NME7: variants seen among roughly 807,000 people sequenced by gnomAD.
NME7 encodes nucleoside diphosphate kinase 7.
In NME7, 41 loss-of-function variants were observed where a neutral mutation model predicts 49.1. The ratio of observed to expected loss-of-function variants is 0.83; its 90% CI spans 0.65 to 1.08. The LOEUF (loss-of-function observed/expected upper bound fraction) is 1.08, where lower values mean the gene tolerates loss of function less well. NME7 is among the 50% of genes least tolerant of loss of function. The pLI, the probability that NME7 is intolerant of heterozygous loss-of-function variation, is 0.00. For synonymous variants in NME7, 139 were observed against 150.6 expected, an observed-to-expected ratio of 0.92 and a Z score of 0.56; for missense variants, 423 against 463.4, an observed-to-expected ratio of 0.91 and a Z score of 0.80.
chr1:169,253,577 G>A (rs138437561), intron 7 of NME7, among the ~76,000 whole-genome samples: 3,879 of 152,038 alleles, frequency 0.026, 140 homozygotes, highest in African/African-American at 0.087. Flanking sequence ...CTAATTGCCC[G>A]GGCCAGAATT....
chr1:169,172,833 T>C (rs1480596699), intron 10 of NME7, among the ~76,000 whole-genome samples: 1 of 152,234 alleles, frequency 6.6e-6, no homozygotes, highest in Non-Finnish European at 1.5e-5. Context: ...TCAATGTTCC[T>C]ACAGTAGTTT....
At chr1:169,346,402 C>A (rs1039319612) in intron 1 of NME7, among the ~76,000 whole-genome samples, 1 of 152,198 alleles carries the variant, frequency 6.6e-6, no homozygotes, top group African/African-American at 2.4e-5. Context: ...CATGCTCCCA[C>A]CTAAAAAAGT....
At chr1:169,280,719 C>T (rs1649973642) in intron 7 of NME7, among the ~76,000 whole-genome samples, 1 of 147,768 alleles carries the variant, frequency 6.8e-6, no homozygotes, top group Non-Finnish European at 1.5e-5. Context: ...GGAATCTTTT[C>T]CCCATTGCTT....
intron 10 of NME7, among the ~76,000 whole-genome samples, chr1:169,181,381 A>ACACG (rs1422472191): frequency 2.5e-5 from 3 of 120,902 alleles, no homozygotes; most frequent in South Asian, 6.8e-4. Context: ...ACACACACAC[A>ACACG]CACACACACA....
In NME7 at chr1:169,208,167, T is replaced by C. The variant is rs1429182316; in HGVS notation, c.990+22551A>G. 2.0e-5 allele frequency among the ~76,000 whole-genome samples: 3 copies of C among 152,172 alleles called. No homozygotes were observed. The East Asian group carries it at 5.8e-4, about 29-fold the overall frequency. On this transcript the variant is annotated intron_variant, in intron 10 of 11. Coordinates refer to ENST00000367811, the MANE Select transcript of NME7 (RefSeq NM_013330.5). ...AATCTTATTTGATCGTAAATTTTTT[T>C]CCATTTAATATATGTCTATTATTGC...
At chr1:169,311,803 A>G (rs949871111) in intron 3 of NME7, among the ~76,000 whole-genome samples, 2 of 152,236 alleles carry the variant, frequency 1.3e-5, no homozygotes, top group South Asian at 2.1e-4. Flanking sequence ...TAAAATTGAC[A>G]AACAGCTTAA....
At chr1:169,210,465 T>TGGGG (rs1234420350) in intron 10 of NME7, among the ~76,000 whole-genome samples, 7 of 152,188 alleles carry the variant, frequency 4.6e-5, no homozygotes, top group Non-Finnish European at 1.0e-4. Context: ...GTATCAGATG[T>TGGGG]GTTGGTGCCC....
chr1:169,180,743 CTATA>C (rs1553243213), intron 10 of NME7, among the ~76,000 whole-genome samples: 1 of 151,944 alleles, frequency 6.6e-6, no homozygotes, highest in Non-Finnish European at 1.5e-5. Context: ...TTATTTAACC[CTATA>C]TATTCAAAAT....
intron 10 of NME7, among the ~76,000 whole-genome samples, chr1:169,179,961 A>C (rs1659877340): frequency 8.8e-6 from 1 of 113,210 alleles, no homozygotes; most frequent in Non-Finnish European, 1.9e-5. Flanking sequence ...CTGAACTTAA[A>C]ATAAAAGTTG....
intron 10 of NME7, among the ~76,000 whole-genome samples, chr1:169,226,860 C>T (rs951641022): frequency 1.3e-5 from 2 of 152,054 alleles, no homozygotes; most frequent in Non-Finnish European, 2.9e-5. Flanking sequence ...CCCTGTGGTG[C>T]AACTTTCTAT....
intron 10 of NME7, among the ~76,000 whole-genome samples, chr1:169,221,485 G>C (rs981636867): frequency 6.6e-6 from 1 of 152,050 alleles, no homozygotes; most frequent in African/African-American, 2.4e-5. Context: ...CTTTGCACTG[G>C]CTGTTCCTTC....
At chr1:169,251,447 T>C (rs1648605298) in intron 7 of NME7, among the ~76,000 whole-genome samples, 1 of 152,000 alleles carries the variant, frequency 6.6e-6, no homozygotes, top group Non-Finnish European at 1.5e-5. Flanking sequence ...ATCTGTATCA[T>C]TTAAGTGGAG....
At chr1:169,344,794 G>A (rs530527965) in intron 1 of NME7, among the ~76,000 whole-genome samples, 105 of 152,158 alleles carry the variant, frequency 6.9e-4, no homozygotes, top group African/African-American at 2.4e-3. Context: ...TATTCATGAT[G>A]TTGGTCTGCA....
chr1:169,161,688 A>G lies in NME7; in HGVS notation c.1098+7759T>C, dbSNP rs377722973. Among the ~76,000 whole-genome samples, 17 of 152,318 alleles carry G rather than the reference A, an allele frequency of 1.1e-4. No individual in the cohort carries two copies. In the East Asian group the frequency reaches 3.1e-3, roughly 28 times the overall value. The stretch of plus-strand genomic sequence containing the variant: ...TCATTCCTGGGTGTCAGCCAAGCTC[A>G]CCATGAGAGGAACTTAGTCTATAGT... On this transcript the variant is annotated intron_variant, in intron 11 of 11. Transcript: ENST00000367811.
At chr1:169,218,155 C>G (rs1661025387) in intron 10 of NME7, among the ~76,000 whole-genome samples, 1 of 152,130 alleles carries the variant, frequency 6.6e-6, no homozygotes, top group Non-Finnish European at 1.5e-5. Context: ...GCTTTTTTCC[C>G]TTTTATTTCT....
chr1:169,167,058 A>AT (rs1659435986), intron 11 of NME7, among the ~76,000 whole-genome samples: 1 of 152,250 alleles, frequency 6.6e-6, no homozygotes, highest in Admixed American at 6.5e-5. Flanking sequence ...ACCTACAATA[A>AT]TAAAAACAGT....
chr1:169,308,475 C>A (rs1260160856), intron 4 of NME7, among the ~76,000 whole-genome samples: 5 of 152,252 alleles, frequency 3.3e-5, no homozygotes, highest in Non-Finnish European at 5.9e-5. Context: ...ACATTCCTGT[C>A]CCTAGAGACA....
At position 169,303,152 on chromosome 1, in the gene NME7, A is replaced by G; in HGVS notation, c.433T>C (p.Phe145Leu). ...DFHVDHQSRP[F>L]FNELIQFITT... ...CCCAAATTAAGGACCTACTTGAAAA[A>G]GGGTCTTGACTGGTGATCTACATGA... is the stretch of plus-strand genomic sequence containing the variant. The change falls in exon 5 of 12, where the codon TTT (phenylalanine) becomes CTT (leucine). Residue 145 changes from phenylalanine to leucine, a missense_variant. Physicochemically the swap from Phe to Leu is conservative, Grantham distance 22 (BLOSUM62 0). Coordinates refer to ENST00000367811, the MANE Select transcript of NME7 (RefSeq NM_013330.5). The G allele has an allele frequency of 5.1e-6, 8 of 1,566,678 alleles. No homozygotes were observed. The highest frequency in any genetic ancestry group is 1.8e-5 in the Admixed American group (1 of 55,806).
intron 10 of NME7, among the ~76,000 whole-genome samples, chr1:169,170,982 A>G (rs1454225733): frequency 6.6e-6 from 1 of 152,180 alleles, no homozygotes. Flanking sequence ...ATTTTGTGAC[A>G]TAAGATGTAA....
Sources: gnomAD v4.1 joint callset for allele counts (sites outside exome capture counted in the v4.1 genomes callset) on GRCh38, gnomAD v4.1.1 for gene constraint, MANE v1.5 for transcripts, NCBI Gene and HGNC (gene_info 2026-07-23, HGNC 2026-07-21) for gene names.